Variants in ROBO1 observed in about 807,000 individuals in gnomAD.
The protein encoded by ROBO1 is roundabout homolog 1.
Under a neutral mutation model 195.9 loss-of-function variants are expected in ROBO1, and 149 were observed. That is an observed-to-expected ratio of 0.76 (90% CI 0.67 to 0.87). The LOEUF (loss-of-function observed/expected upper bound fraction) is 0.87, where lower values mean the gene tolerates loss of function less well. Among genes scored for constraint, ROBO1 ranks in the 40% least tolerant of loss-of-function variants. ROBO1 has a pLI of 0.00. For synonymous variants in ROBO1, 816 were observed against 733.2 expected (o/e 1.11, Z -1.82); for missense variants, 1,933 against 2,068.3 (o/e 0.93, Z 1.27).
At chr3:79,210,977 C>A (rs746802888) in intron 2 of ROBO1, among the ~76,000 whole-genome samples, 4 of 151,884 alleles carry the variant, frequency 2.6e-5, no homozygotes, top group African/African-American at 9.7e-5. Context: ...GCTTTATTAA[C>A]TATAAAATAG....
At chr3:79,630,945 A>T (rs1453468495) in intron 1 of ROBO1, among the ~76,000 whole-genome samples, 1 of 151,986 alleles carries the variant, frequency 6.6e-6, no homozygotes, top group East Asian at 1.9e-4. Flanking sequence ...TGCAAGGAAA[A>T]CTATAAAACA....
chr3:79,633,922 G>A (rs759031611), intron 1 of ROBO1, among the ~76,000 whole-genome samples: 29 of 151,936 alleles, frequency 1.9e-4, no homozygotes, highest in Non-Finnish European at 8.8e-5. Flanking sequence ...GACAGGACCT[G>A]CAGCAGACAC....
At chr3:79,178,395 C>T (rs1228847709) in intron 2 of ROBO1, among the ~76,000 whole-genome samples, 8 of 152,014 alleles carry the variant, frequency 5.3e-5, no homozygotes, top group East Asian at 1.9e-4. Context: ...CATAAACATC[C>T]GCATAAGGAA....
Position 78,598,926 on chromosome 3 carries a change from T to G in ROBO1, c.4943A>C (p.Glu1648Ala). Reference protein sequence around the residue: ...RGEDNNEELEETES With the variant: ...RGEDNNEELEATES The stretch of plus-strand genomic sequence containing the variant: ...TCTTGGTTGTCTTCAGCTTTCAGTT[T>G]CCTGTAAGAGATACGTTATTGTCAC... The change falls in exon 31 of 31, where the codon GAA becomes GCA. Residue 1648 changes from glutamate (E) to alanine (A), a missense_variant and splice_region_variant. By Grantham distance (107) the Glu-to-Ala change is moderately radical. This residue lies in a region of ROBO1 where 1,737 missense variants were observed against 1,882.5 expected (regional missense o/e 0.92). Transcript: ENST00000464233. 6.4e-7 allele frequency: 1 copy of G among 1,571,602 alleles called. No homozygotes were observed. Among genetic ancestry groups the G allele is most frequent in the Non-Finnish European group, 8.7e-7 (1 of 1,153,482 alleles).
intron 2 of ROBO1, among the ~76,000 whole-genome samples, chr3:79,184,685 C>A (rs993578207): frequency 6.6e-6 from 1 of 152,114 alleles, no homozygotes; most frequent in Admixed American, 6.5e-5. Context: ...CAAGTTGTTG[C>A]ATTAAGGAAA....
At chr3:78,881,272 A>G (rs972800218) in intron 4 of ROBO1, among the ~76,000 whole-genome samples, 1 of 152,156 alleles carries the variant, frequency 6.6e-6, no homozygotes, top group African/African-American at 2.4e-5. Context: ...AGCATCTCCA[A>G]GTTGGTGGGA....
chr3:79,481,603 G>C (rs540951002), intron 2 of ROBO1, among the ~76,000 whole-genome samples: 34 of 152,178 alleles, frequency 2.2e-4, no homozygotes, highest in South Asian at 2.1e-3. Flanking sequence ...CATACTTAAT[G>C]GTCAAGTTTC....
chr3:79,020,361 A>G (rs2078073195), intron 3 of ROBO1, among the ~76,000 whole-genome samples: 1 of 152,210 alleles, frequency 6.6e-6, no homozygotes, highest in African/African-American at 2.4e-5. Context: ...AAAGGCATTC[A>G]TTCATTGAGT....
chr3:79,450,618 G>T (rs907274620), intron 2 of ROBO1, among the ~76,000 whole-genome samples: 1 of 151,900 alleles, frequency 6.6e-6, no homozygotes, highest in Admixed American at 6.6e-5. Context: ...TTGACACTGA[G>T]ATTTTCATAT....
chr3:79,652,913 A>T (rs547216571), intron 1 of ROBO1, among the ~76,000 whole-genome samples: 142 of 152,090 alleles, frequency 9.3e-4, no homozygotes, highest in African/African-American at 3.3e-3. Flanking sequence ...GGAACAGACC[A>T]TTCTACTTAA....
At chr3:78,819,503 C>T (rs2030626119) in intron 4 of ROBO1, among the ~76,000 whole-genome samples, 1 of 150,354 alleles carries the variant, frequency 6.7e-6, no homozygotes. Flanking sequence ...ATCTATGGTC[C>T]TAATACTTTT....
intron 2 of ROBO1, among the ~76,000 whole-genome samples, chr3:79,396,938 A>T (rs1246734559): frequency 6.6e-6 from 1 of 152,154 alleles, no homozygotes; most frequent in African/African-American, 2.4e-5. Context: ...ATTCACAATA[A>T]AATTACCGAG....
At chr3:79,721,499 A>G (rs932549743) in intron 1 of ROBO1, among the ~76,000 whole-genome samples, 1 of 152,198 alleles carries the variant, frequency 6.6e-6, no homozygotes, top group Non-Finnish European at 1.5e-5. Flanking sequence ...CTGGACGGAC[A>G]CATTATTGTC....
chr3:79,343,930 G>A (rs2035007399), intron 2 of ROBO1, among the ~76,000 whole-genome samples: 1 of 152,046 alleles, frequency 6.6e-6, no homozygotes, highest in African/African-American at 2.4e-5. Flanking sequence ...TTAGGACAAG[G>A]ATCATTTGGT....
chr3:79,230,257 A>C (rs1052905318), intron 2 of ROBO1, among the ~76,000 whole-genome samples: 5 of 152,122 alleles, frequency 3.3e-5, no homozygotes, highest in Non-Finnish European at 1.5e-5. Flanking sequence ...TCTTTCTTTT[A>C]CTGAATTCTT....
rs147981482 is a variant in ROBO1, at chr3:79,592,678, C to G, written c.-50-2717G>C. Among the ~76,000 whole-genome samples the G allele has an allele frequency of 2.0e-5, 3 of 152,142 alleles. No homozygotes were observed. In the East Asian group the frequency reaches 5.8e-4, roughly 30 times the overall value. ...CACTCCCTGCCCTTGCAGAGCCTCT[C>G]CCATTGGCAACCCCCACCAGAATGA... On this transcript the variant is annotated intron_variant, in intron 1 of 30. Transcript: ENST00000464233.
intron 3 of ROBO1, among the ~76,000 whole-genome samples, chr3:78,976,725 GTCTT>G (rs1488985968): frequency 1.3e-5 from 2 of 152,050 alleles, no homozygotes; most frequent in African/African-American, 2.4e-5. Context: ...CCTTTTTGAA[GTCTT>G]TCTTCACTTA....
chr3:79,409,298 C>CA lies in ROBO1; in HGVS notation c.88+180525dup, dbSNP rs544812971. Among the ~76,000 whole-genome samples, 182 of 151,474 alleles carry CA rather than the reference C, an allele frequency of 1.2e-3. 2 individuals carry two copies. Among genetic ancestry groups the CA allele is most frequent in the South Asian group, 0.011 (51 of 4,790 alleles). On this transcript the variant is annotated intron_variant, in intron 2 of 30. Transcript: ENST00000464233. The stretch of plus-strand genomic sequence containing the variant: ...AGATTTATAAAGTCTCTGATATAGG[C>CA]AAAAAAAATATACATTCCCATAGCA...
At chr3:79,133,802 C>G (rs1166371153) in intron 2 of ROBO1, among the ~76,000 whole-genome samples, 79 of 136,810 alleles carry the variant, frequency 5.8e-4, no homozygotes, top group African/African-American at 2.2e-3. Context: ...GTTTTTTCCC[C>G]ATCTTTGTGG....
Sources: gnomAD v4.1 joint callset for allele counts (sites outside exome capture counted in the v4.1 genomes callset) on GRCh38, gnomAD v4.1.1 for gene constraint, gnomAD v4.1.1 regional missense constraint, MANE v1.5 for transcripts, NCBI Gene and HGNC (gene_info 2026-07-23, HGNC 2026-07-21) for gene names.